Variants in SKIC3 observed in about 807,000 individuals in gnomAD.
The protein encoded by SKIC3 is SKI3 subunit of superkiller complex.
the SKIC3 span, chr5:95,543,173 T>A: frequency 3.1e-6 from 5 of 1,612,826 alleles, no homozygotes; most frequent in Admixed American, 1.7e-5. Flanking sequence ...AAAAAAAAAA[T>A]TTCTACATAC....
chr5:95,509,639 T>TAACTGAACA, the SKIC3 span: 1 of 1,613,936 alleles, frequency 6.2e-7, no homozygotes, highest in East Asian at 2.2e-5. Context: ...TAGATGTTCG[T>TAACTGAACA]TTAAGTAACC....
the SKIC3 span, among the ~76,000 whole-genome samples, chr5:95,546,350 A>G: frequency 7.3e-6 from 1 of 136,542 alleles, no homozygotes; most frequent in Non-Finnish European, 1.5e-5. Flanking sequence ...AAAAAAAAAA[A>G]ACAAAAAAAA....
the SKIC3 span, among the ~76,000 whole-genome samples, chr5:95,476,086 A>G: frequency 3.3e-5 from 5 of 152,218 alleles, no homozygotes; most frequent in Non-Finnish European, 7.3e-5. Context: ...AGATATGCCA[A>G]AACTTTTCTG....
At chr5:95,503,054 T>G in the SKIC3 span, 1 of 1,608,844 alleles carries the variant, frequency 6.2e-7, no homozygotes, top group Non-Finnish European at 8.5e-7. Flanking sequence ...CCATCCTGAT[T>G]GATGAAGCAT....
At chr5:95,535,237 A>G in the SKIC3 span, among the ~76,000 whole-genome samples, 1 of 151,600 alleles carries the variant, frequency 6.6e-6, no homozygotes, top group Non-Finnish European at 1.5e-5. Context: ...TCCTAAGTCT[A>G]TCTTTGACTC....
chr5:95,511,443 A>G, the SKIC3 span, among the ~76,000 whole-genome samples: 1 of 152,104 alleles, frequency 6.6e-6, no homozygotes, highest in South Asian at 2.1e-4. Flanking sequence ...CAAAATAAGC[A>G]TGAGGAGATC....
At chr5:95,540,871 T>C in the SKIC3 span, 13 of 1,600,882 alleles carry the variant, frequency 8.1e-6, 1 homozygote, top group Admixed American at 1.7e-4. Context: ...GTCCAAAATG[T>C]AAAAATGCCA....
At chr5:95,531,081 C>T in the SKIC3 span, among the ~76,000 whole-genome samples, 7 of 151,738 alleles carry the variant, frequency 4.6e-5, no homozygotes, top group South Asian at 2.1e-4. Flanking sequence ...AAAAAAGACC[C>T]GATGCTTTAA....
chr5:95,523,567 T>A, the SKIC3 span: 3 of 1,447,746 alleles, frequency 2.1e-6, no homozygotes, highest in Non-Finnish European at 2.8e-6. Flanking sequence ...AAACTAATGA[T>A]AACTTTCAAG....
the SKIC3 span, among the ~76,000 whole-genome samples, chr5:95,534,726 C>T: frequency 0.016 from 2,458 of 152,176 alleles, 36 homozygotes; most frequent in Non-Finnish European, 0.027. Flanking sequence ...TCATCTCTTT[C>T]CCTCCAAGCC....
chr5:95,530,453 C>T, the SKIC3 span, among the ~76,000 whole-genome samples: 1 of 151,984 alleles, frequency 6.6e-6, no homozygotes, highest in African/African-American at 2.4e-5. Context: ...AAGTAGAAAC[C>T]ACTTTAGGAT....
the SKIC3 span, chr5:95,517,324 T>TAAA: frequency 6.2e-7 from 1 of 1,612,004 alleles, no homozygotes; most frequent in Non-Finnish European, 8.5e-7. Flanking sequence ...TGTAGAGCAC[T>TAAA]AAAAAAAGAA....
the SKIC3 span, chr5:95,528,191 T>C: frequency 6.2e-7 from 1 of 1,612,692 alleles, no homozygotes; most frequent in Non-Finnish European, 8.5e-7. Flanking sequence ...GACAGCCATA[T>C]CACTTCTGTT....
the SKIC3 span, among the ~76,000 whole-genome samples, chr5:95,536,218 C>G: frequency 6.6e-6 from 1 of 152,126 alleles, no homozygotes; most frequent in African/African-American, 2.4e-5. Context: ...CAAATTCTCC[C>G]ATTTGAATAT....
the SKIC3 span, among the ~76,000 whole-genome samples, chr5:95,548,386 T>TA: frequency 1.3e-5 from 2 of 151,974 alleles, no homozygotes; most frequent in African/African-American, 4.8e-5. Context: ...CTTTTTGACT[T>TA]AAAAAATGTT....
the SKIC3 span, chr5:95,495,119 TCA>T: frequency 8.8e-7 from 1 of 1,141,472 alleles, no homozygotes; most frequent in South Asian, 1.3e-5. Context: ...CTGGAAAGGT[TCA>T]GTTTTACCAC....
the SKIC3 span, among the ~76,000 whole-genome samples, chr5:95,546,414 A>G: frequency 1.4e-3 from 209 of 152,098 alleles, 1 homozygote; most frequent in Non-Finnish European, 1.9e-3. Flanking sequence ...CTCCTAACCA[A>G]TAACCAAGTC....
chr5:95,542,301 T>G, the SKIC3 span, among the ~76,000 whole-genome samples: 16 of 152,302 alleles, frequency 1.1e-4, no homozygotes, highest in Admixed American at 3.3e-4. Context: ...ATCATTGACA[T>G]ATAAAAATTG....
the SKIC3 span, chr5:95,528,036 C>T: frequency 6.2e-7 from 1 of 1,613,674 alleles, no homozygotes; most frequent in Non-Finnish European, 8.5e-7. Context: ...CGAATTGCTT[C>T]CTCTGAAGAG....
Sources: gnomAD v4.1 joint callset for allele counts (sites outside exome capture counted in the v4.1 genomes callset) on GRCh38, gnomAD v4.1.1 for gene constraint, MANE v1.5 for transcripts, NCBI Gene and HGNC (gene_info 2026-07-23, HGNC 2026-07-21) for gene names.